Variants in ROBO2 observed in about 807,000 individuals in gnomAD.
The protein encoded by ROBO2 is roundabout homolog 2.
In ROBO2, 53 loss-of-function variants were observed where a neutral mutation model predicts 160.8. That is an observed-to-expected ratio of 0.33 (90% CI 0.26 to 0.41). The LOEUF (loss-of-function observed/expected upper bound fraction) is 0.41. ROBO2 is among the 10% of genes least tolerant of loss of function. The pLI is 1.00. For synonymous variants in ROBO2, 664 were observed against 611.7 expected (o/e 1.09, Z -1.26); for missense variants, 1,577 against 1,722.4 (o/e 0.92, Z 1.49).
chr3:77,164,502 C>G (rs1435479451), intron 2 of ROBO2, among the ~76,000 whole-genome samples: 4 of 130,968 alleles, frequency 3.1e-5, no homozygotes, highest in Non-Finnish European at 6.6e-5. Flanking sequence ...GTCAGCCCCC[C>G]GCCCGGCCAG....
intron 2 of ROBO2, among the ~76,000 whole-genome samples, chr3:76,756,134 A>C (rs1411482390): frequency 6.6e-6 from 1 of 151,834 alleles, no homozygotes; most frequent in Non-Finnish European, 1.5e-5. Context: ...TTCATGGTCT[A>C]TTGGCCAGGC....
intron 2 of ROBO2, among the ~76,000 whole-genome samples, chr3:76,841,167 C>T (rs71322772): frequency 0.061 from 9,222 of 152,136 alleles, 303 homozygotes; most frequent in East Asian, 0.11. Flanking sequence ...ACTGTGCAAG[C>T]GCCATTGGAT....
intron 2 of ROBO2, among the ~76,000 whole-genome samples, chr3:76,247,391 GC>G (rs1410503767): frequency 2.6e-5 from 4 of 152,052 alleles, no homozygotes; most frequent in African/African-American, 7.2e-5. Flanking sequence ...TAATTAGACT[GC>G]TATTGAAAAC....
chr3:77,323,428 C>T (rs2065024657), intron 2 of ROBO2, among the ~76,000 whole-genome samples: 1 of 152,036 alleles, frequency 6.6e-6, no homozygotes, highest in East Asian at 1.9e-4. Flanking sequence ...GAAGCTCCTC[C>T]ATGCTAATAG....
chr3:76,781,216 T>C (rs1329648650), intron 2 of ROBO2, among the ~76,000 whole-genome samples: 3 of 150,752 alleles, frequency 2.0e-5, no homozygotes, highest in African/African-American at 7.3e-5. Flanking sequence ...TTTTAGACAG[T>C]TTGTTGTTAG....
chr3:76,674,307 C>T lies in ROBO2; in HGVS notation c.110-423707C>T, dbSNP rs371565961. Among the ~76,000 whole-genome samples the T allele has an allele frequency of 3.3e-5, 5 of 152,082 alleles. No homozygotes were observed. In the East Asian group the frequency reaches 5.8e-4, roughly 18 times the overall value. Reference sequence around the variant, plus strand: ...CCTTTCTTAAAATTGCAGAGCAACTCGTCAGATGCTGATAATCTTGGAACG... The same window carrying T: ...CCTTTCTTAAAATTGCAGAGCAACTTGTCAGATGCTGATAATCTTGGAACG... On this transcript the variant is annotated intron_variant, in intron 2 of 26. Coordinates refer to the ROBO2 transcript ENST00000487694.
chr3:77,528,324 T>G (rs891501508), intron 6 of ROBO2, among the ~76,000 whole-genome samples: 2 of 151,588 alleles, frequency 1.3e-5, no homozygotes, highest in African/African-American at 2.4e-5. Context: ...CTTATTCAAT[T>G]TTGAGGGCTT....
chr3:77,351,670 A>T (rs1014406433), intron 2 of ROBO2, among the ~76,000 whole-genome samples: 1 of 152,186 alleles, frequency 6.6e-6, no homozygotes, highest in African/African-American at 2.4e-5. Context: ...CTCATTTATC[A>T]GCAAGTAGAA....
intron 2 of ROBO2, among the ~76,000 whole-genome samples, chr3:77,135,855 GTAAA>G (rs765214091): frequency 1.3e-5 from 2 of 152,046 alleles, no homozygotes; most frequent in Non-Finnish European, 2.9e-5. Flanking sequence ...TTTAACATCA[GTAAA>G]CAAACAAACA....
intron 2 of ROBO2, among the ~76,000 whole-genome samples, chr3:77,154,857 G>A (rs2077858667): frequency 6.6e-6 from 1 of 151,822 alleles, no homozygotes; most frequent in Non-Finnish European, 1.5e-5. Context: ...TGAAACTGGG[G>A]ACTTATAGAT....
rs530200412 is a variant in ROBO2 at position 76,661,649 on chromosome 3, C to G, written c.110-436365C>G. Among the ~76,000 whole-genome samples the G allele has an allele frequency of 2.3e-4, 35 of 152,134 alleles. No individual in the cohort carries two copies. The South Asian group carries it at 7.1e-3, about 31-fold the overall frequency. On this transcript the variant is annotated intron_variant, in intron 2 of 26. Transcript: ENST00000487694. ...AATTGGTTGAGAGAGTTGTTTCGTC[C>G]AAAGAGTTGAAGTCAGCAGAAAGAA...
chr3:76,774,763 A>AT (rs2062132993), intron 2 of ROBO2, among the ~76,000 whole-genome samples: 3 of 147,732 alleles, frequency 2.0e-5, no homozygotes, highest in Admixed American at 6.8e-5. Context: ...TGAATTTCTT[A>AT]TTTTTTGCCT....
intron 5 of ROBO2, among the ~76,000 whole-genome samples, chr3:77,499,936 C>T (rs866311575): frequency 1.3e-5 from 2 of 152,096 alleles, no homozygotes; most frequent in Admixed American, 6.6e-5. Context: ...TGTGAGCCAC[C>T]GTGTCTGGCC....
chr3:76,429,727 C>T (rs778132852), intron 2 of ROBO2, among the ~76,000 whole-genome samples: 5 of 152,144 alleles, frequency 3.3e-5, no homozygotes, highest in Non-Finnish European at 7.4e-5. Flanking sequence ...GAAACTGCAA[C>T]TTCAACATTC....
At position 76,534,351 on chromosome 3, in the gene ROBO2, G is replaced by C. The variant is rs187053046; in HGVS notation, c.110-563663G>C. Among the ~76,000 whole-genome samples, 348 of 152,162 alleles carry C rather than the reference G, an allele frequency of 2.3e-3. 2 individuals carry two copies. The highest frequency in any genetic ancestry group is 7.9e-3 in the African/African-American group (327 of 41,488). ...GCATGTTAGCTTTAATGTAGGTGGC[G>C]ATGAGTTTTTAGGCCAGGGAAGGAA... On this transcript the variant is annotated intron_variant, in intron 2 of 26. Transcript: ENST00000487694.
chr3:76,866,662 A>C (rs2071404713), intron 2 of ROBO2, among the ~76,000 whole-genome samples: 1 of 152,174 alleles, frequency 6.6e-6, no homozygotes, highest in Non-Finnish European at 1.5e-5. Flanking sequence ...CTTAATTCTC[A>C]AAAAGTTTAA....
intron 2 of ROBO2, among the ~76,000 whole-genome samples, chr3:76,924,634 T>C (rs189830674): frequency 6.6e-6 from 1 of 152,312 alleles, no homozygotes; most frequent in African/African-American, 2.4e-5. Flanking sequence ...CATATTCAAT[T>C]TTTATAGGCT....
intron 2 of ROBO2, among the ~76,000 whole-genome samples, chr3:77,411,099 C>T (rs1435921823): frequency 6.6e-6 from 1 of 152,122 alleles, no homozygotes; most frequent in African/African-American, 2.4e-5. Context: ...TGAGCTACCA[C>T]AAACAGCTTG....
chr3:76,853,974 T>C, intron 2 of ROBO2, among the ~76,000 whole-genome samples: 1 of 151,784 alleles, frequency 6.6e-6, no homozygotes, highest in Non-Finnish European at 1.5e-5. Flanking sequence ...TTTGCAGTCT[T>C]CTGGAAAAAT....
Sources: allele counts gnomAD v4.1 joint callset (sites outside exome capture counted in the v4.1 genomes callset), GRCh38; gene constraint gnomAD v4.1.1; transcripts MANE v1.5; gene names NCBI Gene and HGNC (gene_info 2026-07-23, HGNC 2026-07-21).